The following SF3B2 variants were observed in gnomAD, a reference collection of about 807,000 sequenced individuals.
SF3B2 encodes SAP 145.
In SF3B2, 22 loss-of-function variants were observed where a neutral mutation model predicts 116.3. The ratio of observed to expected loss-of-function variants is 0.19; its 90% CI spans 0.14 to 0.27. The LOEUF is 0.27. SF3B2 is among the 10% of genes least tolerant of loss of function. SF3B2 has a pLI of 1.00. For missense variants in SF3B2, 767 were observed against 1,151.4 expected (o/e 0.67, Z 4.83); for synonymous variants, 406 against 421.6 (o/e 0.96, Z 0.45).
chr11:66,053,523 T>G (rs1190343649), intron 3 of SF3B2: 1 of 207,468 alleles, frequency 4.8e-6, no homozygotes, highest in Admixed American at 5.2e-5. Flanking sequence ...TACAAAAAAT[T>G]TTAAAAATTA....
Position 66,063,727 on chromosome 11 carries a change from C to T in SF3B2, c.2328C>T (p.Asp776=), listed in dbSNP as rs139622723. 53 of 1,609,366 alleles carry T rather than the reference C, an allele frequency of 3.3e-5. No individual in the cohort carries two copies. The highest frequency in any genetic ancestry group is 1.1e-4 in the South Asian group (10 of 90,148). Residue 776 remains aspartate (D), a splice_region_variant and synonymous_variant, in exon 19 of 22, where the codon GAC becomes GAT. Transcript: ENST00000322535. ...AGAAGAAGATTGAGGAGGCGATGGA[C>T]GGGTAAGGGTACCAGACAGGGCTGA... ...LRKKKIEEAM[D]GSETPQLFTV... is the part of the protein sequence containing the mutation.
In SF3B2 at chr11:66,069,188, G is replaced by A. The variant is rs569384551; in HGVS notation, c.*443G>A. 1.6e-4 allele frequency: 57 copies of A among 356,574 alleles called. No individual in the cohort carries two copies. Among genetic ancestry groups the A allele is most frequent in the Non-Finnish European group, 2.3e-4 (40 of 177,732 alleles). 22.1% of individuals were successfully genotyped at this position (356,574 alleles called of 1,614,324 possible). ...CAGATTAGCGCCCTAGCGCGGCAGA[G>A]GAAGTAACAGTGGGCTTGGGAAGTA... On this transcript the variant is annotated 3_prime_UTR_variant, in exon 22 of 22. Coordinates refer to ENST00000322535, the MANE Select transcript of SF3B2 (RefSeq NM_006842.3).
chr11:66,060,754 G>T, intron 14 of SF3B2, 23 bp downstream of exon 14: 1 of 1,613,172 alleles, frequency 6.2e-7, no homozygotes, highest in Non-Finnish European at 8.5e-7. Flanking sequence ...GCTGGGAGAG[G>T]TCAGGCTGGG....
At chr11:66,061,164 G>A (rs1857094971) in intron 14 of SF3B2, among the ~76,000 whole-genome samples, 1 of 152,184 alleles carries the variant, frequency 6.6e-6, no homozygotes, top group African/African-American at 2.4e-5. Context: ...ACCCTCGGAT[G>A]AGATGGAATT....
chr11:66,055,532 A>T lies in SF3B2; in HGVS notation c.499-3A>T. ...CTGGTATGAACTTGTTTTCTTTTTTAAGCAGGGAGATCATTCGCTGAAGGA... is the reference window on the plus strand; with the variant it reads ...CTGGTATGAACTTGTTTTCTTTTTTTAGCAGGGAGATCATTCGCTGAAGGA... On this transcript the variant is annotated splice_region_variant and splice_polypyrimidine_tract_variant and intron_variant, in intron 4 of 21. Transcript: ENST00000322535. The T allele has an allele frequency of 6.2e-7, 1 of 1,614,078 alleles. No individual in the cohort carries two copies. Among genetic ancestry groups the T allele is most frequent in the Non-Finnish European group, 8.5e-7 (1 of 1,180,002 alleles).
At position 66,059,574 on chromosome 11, in the gene SF3B2, C is replaced by T; in HGVS notation, c.1380C>T (p.Phe460=). The T allele has an allele frequency of 6.2e-7, 1 of 1,614,060 alleles. No individual in the cohort carries two copies. Residue 460 remains phenylalanine, a synonymous_variant, in exon 12 of 22, where the codon TTC becomes TTT. Coordinates refer to ENST00000322535, the MANE Select transcript of SF3B2 (RefSeq NM_006842.3). This position sits in a 1 kb window ranked among gnomAD's most constrained non-coding sequence, Gnocchi z 5.0. ...SKKKLRRMNR[F]TVAELKQLVA... is the part of the protein sequence containing the mutation. ...AGAAGTTGCGCCGAATGAACCGCTT[C>T]ACTGTGGCTGAACTCAAGCAGGTAA...
intron 4 of SF3B2, 58 bp from the exon 5 acceptor site, chr11:66,055,477 T>G: frequency 1.2e-6 from 2 of 1,606,206 alleles, no homozygotes; most frequent in Non-Finnish European, 1.7e-6. Context: ...AAGCAAGAGT[T>G]GTGGCAGATT....
At chr11:66,053,246 A>G in intron 3 of SF3B2, 142 bp downstream of exon 3, 1 of 802,794 alleles carries the variant, frequency 1.2e-6, no homozygotes, top group Admixed American at 2.0e-5. Context: ...GGAAAAAAAA[A>G]GATTCCATAT....
At position 66,058,423 on chromosome 11, in the gene SF3B2, G is replaced by T; in HGVS notation, c.966+18G>T. On this transcript the variant is annotated intron_variant, in intron 9 of 21. Coordinates refer to ENST00000322535, the MANE Select transcript of SF3B2 (RefSeq NM_006842.3). The stretch of plus-strand genomic sequence containing the variant: ...AAAAGGAGGTAGGGATTGGAGCTGA[G>T]TGTGGAAGGAAAGCCAGGAGATGGG... 1 of 1,600,484 alleles carries T rather than the reference G, an allele frequency of 6.2e-7. No individual in the cohort carries two copies. The highest frequency in any genetic ancestry group is 8.6e-7 in the Non-Finnish European group (1 of 1,168,060).
In SF3B2 at chr11:66,059,169, G is replaced by A. The variant is rs1221092704; in HGVS notation, c.1183-32G>A. ...CTTAGGAACTGGGAAGGGGCTCAGA[G>A]GGCAGGGGTTTCACCTTGTCTGCCT... On this transcript the variant is annotated intron_variant, in intron 10 of 21. Coordinates refer to ENST00000322535, the MANE Select transcript of SF3B2 (RefSeq NM_006842.3). The surrounding 1 kb of genome is among the most constrained non-coding windows in gnomAD (Gnocchi z 5.0). The A allele has an allele frequency of 6.2e-7, 1 of 1,613,788 alleles. No homozygotes were observed. The highest frequency in any genetic ancestry group is 8.5e-7 in the Non-Finnish European group (1 of 1,179,928).
intron 14 of SF3B2, among the ~76,000 whole-genome samples, chr11:66,061,355 G>T (rs574536102): frequency 5.3e-5 from 8 of 152,296 alleles, no homozygotes; most frequent in African/African-American, 9.6e-5. Flanking sequence ...GAAATTGCTG[G>T]TTTTTTCTGA....
chr11:66,056,745 T>A (rs1288586281), intron 5 of SF3B2, 93 bp from the exon 6 acceptor site: 5 of 914,080 alleles, frequency 5.5e-6, no homozygotes, highest in Non-Finnish European at 9.0e-6. Flanking sequence ...TTGTTCTCCT[T>A]GGGCCCATTA....
At chr11:66,062,522 C>G (rs896318476) in intron 16 of SF3B2, among the ~76,000 whole-genome samples, 4 of 150,326 alleles carry the variant, frequency 2.7e-5, no homozygotes, top group Non-Finnish European at 4.4e-5. Flanking sequence ...TTTAGCTTCA[C>G]TTCAGTCTCT....
At position 66,055,595 on chromosome 11, in the gene SF3B2, CT is replaced by C; in HGVS notation, c.549+11del. On this transcript the variant is annotated intron_variant, in intron 5 of 21. Transcript: ENST00000322535. ...GGAGCAGCAGAAGCGGGTAATACCC[CT>C]CCCCCTAACCTTTGACCTCGTGGTC... The C allele has an allele frequency of 1.2e-6, 2 of 1,613,756 alleles. No individual in the cohort carries two copies. Among genetic ancestry groups the C allele is most frequent in the Non-Finnish European group, 1.7e-6 (2 of 1,179,640 alleles).
chr11:66,067,773 A>AC lies in SF3B2; in HGVS notation c.2331-166dup, dbSNP rs577311481. 2.9e-3 allele frequency: 1,767 copies of AC among 601,854 alleles called. 20 individuals carry two copies. Among genetic ancestry groups the AC allele is most frequent in the East Asian group, 0.018 (644 of 35,270 alleles). The allele number at this position is 601,854 out of a possible 1,614,324, so 37.3% of individuals were successfully genotyped here. A position where few individuals can be genotyped will look rare whatever the true frequency, so the allele number is the denominator to read the frequency against. On this transcript the variant is annotated intron_variant, in intron 19 of 21. Transcript: ENST00000322535. ...TGTTCCCTGGAGTCAGCACTGTGCC[A>AC]CCCCCCCGCCCAATTCTTTTCTGTC...
At position 66,059,174 on chromosome 11, in the gene SF3B2, G is replaced by A. The variant is rs781380945; in HGVS notation, c.1183-27G>A. ...GAACTGGGAAGGGGCTCAGAGGGCA[G>A]GGGTTTCACCTTGTCTGCCTCCTTA... On this transcript the variant is annotated intron_variant, in intron 10 of 21. Coordinates refer to ENST00000322535, the MANE Select transcript of SF3B2 (RefSeq NM_006842.3). The surrounding 1 kb of genome is among the most constrained non-coding windows in gnomAD (Gnocchi z 5.0). 1 of 1,613,974 alleles carries A rather than the reference G, an allele frequency of 6.2e-7. No individual in the cohort carries two copies. Among genetic ancestry groups the A allele is most frequent in the South Asian group, 1.1e-5 (1 of 91,072 alleles).
intron 19 of SF3B2, chr11:66,066,945 C>G (rs1393409197): frequency 1.2e-5 from 2 of 165,362 alleles, no homozygotes; most frequent in Admixed American, 1.1e-4. Flanking sequence ...TCAGGGCTCT[C>G]CATGAGTCTC....
At position 66,055,117 on chromosome 11, in the gene SF3B2, C is replaced by A. The variant is rs1319748297; in HGVS notation, c.300C>A (p.Pro100=). Residue 100 remains proline, a synonymous_variant, in exon 4 of 22, where the codon CCC becomes CCA. Coordinates refer to ENST00000322535, the MANE Select transcript of SF3B2 (RefSeq NM_006842.3). ...IPMPPPPLGL[P]PLQPPPPPPP... ...TGCCACCACCACCTTTGGGACTCCC[C>A]CCTCTGCAGCCTCCTCCGCCACCCC... The A allele has an allele frequency of 6.4e-7, 1 of 1,551,854 alleles. No individual in the cohort carries two copies. Among genetic ancestry groups the A allele is most frequent in the South Asian group, 1.2e-5 (1 of 82,574 alleles).
Position 66,063,444 on chromosome 11 carries a change from A to C in SF3B2, c.2130A>C (p.Glu710Asp). 6.2e-7 allele frequency: 1 copy of C among 1,614,146 alleles called. No individual in the cohort carries two copies. Residue 710 changes from glutamate (E) to aspartate (D), a missense_variant, in exon 18 of 22, where the codon GAA becomes GAC. This residue lies in a region of SF3B2 where 282 missense variants were observed against 568.0 expected (regional missense o/e 0.50). Coordinates refer to ENST00000322535, the MANE Select transcript of SF3B2 (RefSeq NM_006842.3). The stretch of plus-strand genomic sequence containing the variant: ...AGATTGATCGGACCCCTTGGGGGGA[A>C]CTGGAACCATCTGATGAAGAATCCT... ...EEEIDRTPWG[E>D]LEPSDEESSE...
Sources: allele counts gnomAD v4.1 joint callset (sites outside exome capture counted in the v4.1 genomes callset), GRCh38; gene constraint gnomAD v4.1.1; regional missense constraint gnomAD v4.1.1; non-coding constraint Gnocchi (gnomAD v3.1); transcripts MANE v1.5; gene names NCBI Gene and HGNC (gene_info 2026-07-23, HGNC 2026-07-21).